Variants in SAMD5 observed in about 807,000 individuals in gnomAD.
The protein encoded by SAMD5 is sterile alpha motif domain-containing protein 5.
A neutral mutation model predicts 11.3 loss-of-function variants in SAMD5; 13 were observed. The observed-to-expected ratio is 1.15, with a 90% confidence interval of 0.75 to 1.83. The LOEUF is 1.83. Among genes scored for constraint, SAMD5 ranks in the 40% most tolerant of loss-of-function variants. SAMD5 has a pLI of 0.00. For synonymous variants in SAMD5, 129 were observed against 111.3 expected (o/e 1.16, Z -1.00); for missense variants, 255 against 239.1 (o/e 1.07, Z -0.44).
the SAMD5 span, among the ~76,000 whole-genome samples, chr6:147,939,024 T>A: frequency 6.6e-6 from 1 of 152,186 alleles, no homozygotes; most frequent in Admixed American, 6.5e-5. Context: ...ATATGCAAAG[T>A]CTGGGGTTCC....
Position 147,581,901 on chromosome 6 carries a change from T to C in SAMD5, c.162+72514T>C, listed in dbSNP as rs979102672. ...GAAAGTAGATTAGAGTATGTTTAAA[T>C]ACTGGTGGCAAAAAGAGGGGTTGGT... is the stretch of plus-strand genomic sequence containing the variant. On this transcript the variant is annotated intron_variant, in intron 1 of 1. Transcript: ENST00000566741. 3.3e-4 allele frequency among the ~76,000 whole-genome samples: 50 copies of C among 152,002 alleles called. 1 individual carries two copies. Among genetic ancestry groups the C allele is most frequent in the Admixed American group, 6.5e-5 (1 of 15,276 alleles).
chr6:147,688,865 G>A (rs754543567), intron 1 of SAMD5, among the ~76,000 whole-genome samples: 6 of 152,158 alleles, frequency 3.9e-5, no homozygotes, highest in African/African-American at 1.4e-4. Context: ...ATCACCAAAG[G>A]TCAAAATCCT....
chr6:147,825,712 C>A, the SAMD5 span, among the ~76,000 whole-genome samples: 1 of 152,062 alleles, frequency 6.6e-6, no homozygotes, highest in Non-Finnish European at 1.5e-5. Flanking sequence ...AGATATATTT[C>A]AAAATTTTAA....
chr6:147,545,696 A>T (rs1356961231), intron 1 of SAMD5, among the ~76,000 whole-genome samples: 2 of 152,174 alleles, frequency 1.3e-5, no homozygotes, highest in East Asian at 3.8e-4. Context: ...GTATATATTT[A>T]TACTCAGGTG....
chr6:147,788,663 T>C, the SAMD5 span, among the ~76,000 whole-genome samples: 1 of 152,336 alleles, frequency 6.6e-6, no homozygotes, highest in Non-Finnish European at 1.5e-5. Context: ...GTGAAGTTTT[T>C]AGAATAGCTC....
At chr6:147,516,074 CAG>C (rs1202578580) in intron 1 of SAMD5, among the ~76,000 whole-genome samples, 3 of 152,130 alleles carry the variant, frequency 2.0e-5, no homozygotes, top group Non-Finnish European at 4.4e-5. Flanking sequence ...CATGCAAGTC[CAG>C]GCTGGGCTAG....
At chr6:147,915,585 T>C in the SAMD5 span, among the ~76,000 whole-genome samples, 1 of 152,324 alleles carries the variant, frequency 6.6e-6, no homozygotes, top group Admixed American at 6.5e-5. Flanking sequence ...ATCAAGTGAC[T>C]AGCAAAGTGC....
At chr6:147,725,275 T>C (rs757955444) in intron 1 of SAMD5, among the ~76,000 whole-genome samples, 15 of 152,148 alleles carry the variant, frequency 9.9e-5, no homozygotes, top group Non-Finnish European at 1.9e-4. Context: ...TGATGGTTGT[T>C]ATCCCAACAC....
At chr6:147,953,713 G>A in the SAMD5 span, 1 of 152,146 alleles carries the variant, frequency 6.6e-6, no homozygotes, top group Admixed American at 6.5e-5. Flanking sequence ...TATTTGAAAT[G>A]TAAATATTTA....
At chr6:147,622,641 T>C (rs912239079) in intron 1 of SAMD5, among the ~76,000 whole-genome samples, 2 of 152,168 alleles carry the variant, frequency 1.3e-5, no homozygotes, top group African/African-American at 4.8e-5. Flanking sequence ...CTGGTGAAAA[T>C]GGGCTTTCTC....
chr6:147,798,938 C>A, the SAMD5 span, among the ~76,000 whole-genome samples: 1 of 152,102 alleles, frequency 6.6e-6, no homozygotes, highest in East Asian at 1.9e-4. Flanking sequence ...TTCCTCCATC[C>A]TTTTATTTTG....
At chr6:147,853,842 A>T in the SAMD5 span, among the ~76,000 whole-genome samples, 1 of 152,302 alleles carries the variant, frequency 6.6e-6, no homozygotes, top group Non-Finnish European at 1.5e-5. Context: ...ATTCATTATC[A>T]TTAATAGTCC....
the SAMD5 span, among the ~76,000 whole-genome samples, chr6:147,842,717 C>T: frequency 1.3e-5 from 2 of 152,208 alleles, no homozygotes; most frequent in Middle Eastern, 3.4e-3. Flanking sequence ...ATTTGTAGTA[C>T]CTATGGCTTT....
At chr6:147,527,842 T>A (rs201921205) in intron 1 of SAMD5, among the ~76,000 whole-genome samples, 1 of 151,722 alleles carries the variant, frequency 6.6e-6, no homozygotes, top group Non-Finnish European at 1.5e-5. Context: ...AGAAAAGAGG[T>A]TTAATTGGCT....
the SAMD5 span, among the ~76,000 whole-genome samples, chr6:147,762,338 A>G: frequency 2.6e-5 from 4 of 152,020 alleles, no homozygotes; most frequent in Admixed American, 2.6e-4. Flanking sequence ...AGCTGGGATT[A>G]AAGGTGTGTG....
At chr6:147,871,585 T>A in the SAMD5 span, among the ~76,000 whole-genome samples, 1 of 152,224 alleles carries the variant, frequency 6.6e-6, no homozygotes, top group Non-Finnish European at 1.5e-5. Flanking sequence ...TTTGTCCTTC[T>A]CTTCACTTTA....
At chr6:147,917,568 C>A in the SAMD5 span, among the ~76,000 whole-genome samples, 1 of 151,744 alleles carries the variant, frequency 6.6e-6, no homozygotes, top group Admixed American at 6.6e-5. Flanking sequence ...TTAATTAGAT[C>A]CCATTTGTCA....
At chr6:147,928,716 T>C in the SAMD5 span, among the ~76,000 whole-genome samples, 1 of 152,160 alleles carries the variant, frequency 6.6e-6, no homozygotes, top group African/African-American at 2.4e-5. Context: ...TTGGGCTTGG[T>C]TTCCTCTTGC....
At chr6:147,515,862 C>G (rs1562310387) in intron 1 of SAMD5, among the ~76,000 whole-genome samples, 2 of 152,012 alleles carry the variant, frequency 1.3e-5, no homozygotes, top group Admixed American at 6.6e-5. Context: ...GATTAAAACC[C>G]AAGTAAAGAT....
Sources: gnomAD v4.1 joint callset for allele counts (sites outside exome capture counted in the v4.1 genomes callset) on GRCh38, gnomAD v4.1.1 for gene constraint, MANE v1.5 for transcripts, NCBI Gene and HGNC (gene_info 2026-07-23, HGNC 2026-07-21) for gene names.